HPSE2: variants seen among roughly 807,000 people sequenced by gnomAD.
The protein encoded by HPSE2 is heparanase 2 (inactive).
In HPSE2, 38 loss-of-function variants were observed where a neutral mutation model predicts 60.5. The observed-to-expected ratio is 0.63, with a 90% CI of 0.48 to 0.82. The LOEUF (loss-of-function observed/expected upper bound fraction) is 0.82, where lower values mean the gene tolerates loss of function less well. Ranked by LOEUF, HPSE2 falls within the 40% of genes least tolerant of loss-of-function variation. The pLI is 0.00. For synonymous variants in HPSE2, 295 were observed against 293.2 expected (o/e 1.01, Z -0.06); for missense variants, 713 against 740.4 (o/e 0.96, Z 0.43).
At chr10:98,614,864 G>T in intron 9 of HPSE2, 40 bp downstream of exon 9, 2 of 1,320,270 alleles carry the variant, frequency 1.5e-6, no homozygotes, top group South Asian at 1.2e-5. Context: ...AGAACTGAAT[G>T]ACATGGAAAA....
intron 3 of HPSE2, among the ~76,000 whole-genome samples, chr10:98,768,068 T>C (rs1950164306): frequency 6.6e-6 from 1 of 151,932 alleles, no homozygotes; most frequent in African/African-American, 2.4e-5. Flanking sequence ...CTCTGTGTTA[T>C]ACTGGAAAAT....
At chr10:98,766,863 T>C (rs1950130536) in intron 3 of HPSE2, among the ~76,000 whole-genome samples, 1 of 152,074 alleles carries the variant, frequency 6.6e-6, no homozygotes. Flanking sequence ...AGGTCGAGGC[T>C]GCAGTGAGCC....
intron 3 of HPSE2, among the ~76,000 whole-genome samples, chr10:98,903,297 G>A (rs1953717348): frequency 6.6e-6 from 1 of 152,048 alleles, no homozygotes; most frequent in Non-Finnish European, 1.5e-5. Flanking sequence ...GATGGCTAGT[G>A]AGTACAGGTT....
chr10:99,217,635 C>A (rs1437766085), intron 2 of HPSE2, among the ~76,000 whole-genome samples: 1 of 152,056 alleles, frequency 6.6e-6, no homozygotes, highest in Non-Finnish European at 1.5e-5. Flanking sequence ...TCTCTGTCAT[C>A]CAGGCTGGAG....
chr10:98,738,234 G>A (rs922441174), intron 4 of HPSE2, among the ~76,000 whole-genome samples: 1 of 152,170 alleles, frequency 6.6e-6, no homozygotes, highest in Non-Finnish European at 1.5e-5. Flanking sequence ...AATGGGGAAA[G>A]GATTCCCTAT....
At chr10:99,218,032 A>G (rs1849192699) in intron 2 of HPSE2, among the ~76,000 whole-genome samples, 1 of 152,060 alleles carries the variant, frequency 6.6e-6, no homozygotes, top group Admixed American at 6.5e-5. Flanking sequence ...ATCACCTTTG[A>G]AAAGCTCTTG....
intron 3 of HPSE2, among the ~76,000 whole-genome samples, chr10:98,774,890 T>C (rs11189814): frequency 0.69 from 105,409 of 152,116 alleles, 37,636 homozygotes; most frequent in Non-Finnish European, 0.8. Flanking sequence ...TTTGTAGATA[T>C]TCATCTGACA....
chr10:99,046,245 A>C (rs1254503344), intron 3 of HPSE2, among the ~76,000 whole-genome samples: 3 of 152,210 alleles, frequency 2.0e-5, no homozygotes, highest in Admixed American at 2.0e-4. Flanking sequence ...TGATTACTTC[A>C]ATAAATACAG....
chr10:99,145,781 G>A (rs1220378795), intron 2 of HPSE2, among the ~76,000 whole-genome samples: 1 of 152,068 alleles, frequency 6.6e-6, no homozygotes, highest in East Asian at 1.9e-4. Context: ...GAGAAAATAG[G>A]GCATATGGTG....
intron 9 of HPSE2, among the ~76,000 whole-genome samples, chr10:98,602,239 G>A (rs1945448724): frequency 6.6e-6 from 1 of 152,284 alleles, no homozygotes; most frequent in African/African-American, 2.4e-5. Context: ...TCCCAAGGAG[G>A]GTGAGGGAAA....
At chr10:99,259,308 CAA>C in the HPSE2 span, among the ~76,000 whole-genome samples, 391 of 134,186 alleles carry the variant, frequency 2.9e-3, 4 homozygotes, top group African/African-American at 9.3e-3. Context: ...CCCCCCCCAC[CAA>C]AAAAAAAAAA....
intron 6 of HPSE2, among the ~76,000 whole-genome samples, chr10:98,646,130 C>T (rs759058872): frequency 6.6e-6 from 1 of 152,092 alleles, no homozygotes; most frequent in African/African-American, 2.4e-5. Flanking sequence ...ATCAACAATC[C>T]GTGGCTATTT....
chr10:99,077,173 T>A (rs557165567), intron 3 of HPSE2, among the ~76,000 whole-genome samples: 1 of 152,214 alleles, frequency 6.6e-6, no homozygotes, highest in African/African-American at 2.4e-5. Flanking sequence ...TTTGACTACA[T>A]TGTGTCTTGG....
At chr10:98,955,501 CTGTT>C (rs1955484810) in intron 3 of HPSE2, among the ~76,000 whole-genome samples, 1 of 152,150 alleles carries the variant, frequency 6.6e-6, no homozygotes, top group African/African-American at 2.4e-5. Context: ...TGGTTTTACA[CTGTT>C]TGTAGGAATA....
intron 9 of HPSE2, among the ~76,000 whole-genome samples, chr10:98,529,480 A>G (rs1308450835): frequency 6.6e-6 from 1 of 152,188 alleles, no homozygotes; most frequent in Non-Finnish European, 1.5e-5. Context: ...AGCTGAATGT[A>G]GCTGGAGAAA....
chr10:99,256,502 C>G, the HPSE2 span, among the ~76,000 whole-genome samples: 1 of 149,336 alleles, frequency 6.7e-6, no homozygotes, highest in Non-Finnish European at 1.5e-5. Flanking sequence ...ATTACCCAGT[C>G]TGATATTCCG....
intron 8 of HPSE2, among the ~76,000 whole-genome samples, chr10:98,618,863 C>A (rs1240511320): frequency 6.6e-6 from 1 of 152,116 alleles, no homozygotes; most frequent in African/African-American, 2.4e-5. Context: ...AGGCGTGAGC[C>A]ACGGTGCCTG....
chr10:99,125,683 C>T (rs1024167758), intron 3 of HPSE2, among the ~76,000 whole-genome samples: 1 of 152,232 alleles, frequency 6.6e-6, no homozygotes, highest in African/African-American at 2.4e-5. Context: ...TCTGAACACA[C>T]ATCCCCAATG....
intron 9 of HPSE2, among the ~76,000 whole-genome samples, chr10:98,577,710 C>G (rs1284892797): frequency 1.3e-5 from 2 of 152,168 alleles, no homozygotes; most frequent in Non-Finnish European, 2.9e-5. Context: ...GGCAGTGCCA[C>G]TGAAATTCAT....
Sources: allele counts gnomAD v4.1 joint callset (sites outside exome capture counted in the v4.1 genomes callset), GRCh38; gene constraint gnomAD v4.1.1; transcripts MANE v1.5; gene names NCBI Gene and HGNC (gene_info 2026-07-23, HGNC 2026-07-21).